Variants in GNPTAB observed in about 807,000 individuals in gnomAD.
The protein encoded by GNPTAB is N-acetylglucosamine-1-phosphotransferase subunits alpha/beta.
GNPTAB carries 92 observed loss-of-function variants against 136.6 expected under a neutral mutation model. The ratio of observed to expected loss-of-function variants is 0.67; its 90% CI spans 0.57 to 0.80. The LOEUF is 0.80. GNPTAB is among the 30% of genes least tolerant of loss of function. The pLI, the probability that GNPTAB is intolerant of heterozygous loss-of-function variation, is 0.00. For synonymous variants in GNPTAB, 512 were observed against 535.1 expected (o/e 0.96, Z 0.60); for missense variants, 1,343 against 1,501.8 (o/e 0.89, Z 1.75).
At chr12:101,754,857 G>GT (rs1482489553) in intron 18 of GNPTAB, among the ~76,000 whole-genome samples, 1 of 152,132 alleles carries the variant, frequency 6.6e-6, no homozygotes, top group Non-Finnish European at 1.5e-5. Flanking sequence ...GGGACAAAGT[G>GT]TAAGATAGCT....
At chr12:101,755,225 A>G (rs193082042) in intron 18 of GNPTAB, among the ~76,000 whole-genome samples, 60 of 152,322 alleles carry the variant, frequency 3.9e-4, no homozygotes, top group African/African-American at 1.4e-3. Flanking sequence ...TGTTTAGATG[A>G]AACAAGGTCA....
intron 19 of GNPTAB, among the ~76,000 whole-genome samples, chr12:101,750,735 A>G (rs975128644): frequency 1.3e-5 from 2 of 152,208 alleles, no homozygotes; most frequent in African/African-American, 4.8e-5. Context: ...TGATTCAGTA[A>G]TAACTTCTCC....
At chr12:101,800,501 G>A (rs749620678) in intron 1 of GNPTAB, among the ~76,000 whole-genome samples, 1 of 149,916 alleles carries the variant, frequency 6.7e-6, no homozygotes, top group African/African-American at 2.5e-5. Context: ...GCTCATGCCT[G>A]TAATCCCAGC....
chr12:101,749,350 C>T (rs1002026640), intron 19 of GNPTAB, among the ~76,000 whole-genome samples, 159 bp from the exon 20 acceptor site: 2 of 152,168 alleles, frequency 1.3e-5, no homozygotes, highest in Admixed American at 6.5e-5. Context: ...ATTTCCAACA[C>T]GAGTTCAGAT....
intron 2 of GNPTAB, among the ~76,000 whole-genome samples, chr12:101,791,850 A>AC (rs1418801314): frequency 1.3e-5 from 2 of 152,222 alleles, no homozygotes; most frequent in East Asian, 3.8e-4. Flanking sequence ...TAGGGGAGAT[A>AC]ACTGGATGAG....
chr12:101,747,173 G>T lies in GNPTAB; in HGVS notation c.3762C>A (p.Ile1254=). ...TTCAAATGAAGATCTTCTATACTCT[G>T]ATTCGATTGGGACTAGCTTCTTTGT... is the stretch of plus-strand genomic sequence containing the variant. ...RIHKEASPNR[I]RV Residue 1254 remains isoleucine, a synonymous_variant, in exon 21 of 21, where the codon ATC becomes ATA. Coordinates refer to ENST00000299314, the MANE Select transcript of GNPTAB (RefSeq NM_024312.5). 6.4e-7 allele frequency: 1 copy of T among 1,569,540 alleles called. No homozygotes were observed. The highest frequency in any genetic ancestry group is 1.7e-4 in the Middle Eastern group (1 of 5,990).
In GNPTAB at chr12:101,766,086, C is replaced by T. The variant is rs1953088534; in HGVS notation, c.1612+5G>A. On this transcript the variant is annotated splice_donor_5th_base_variant and intron_variant, in intron 12 of 20. Transcript: ENST00000299314. ...CCATTCTTATTTGTTTGGCAGTAAA[C>T]ATACCTTGCCCACAGTCGCCAGCAT... The T allele has an allele frequency of 5.0e-6, 8 of 1,613,084 alleles. No homozygotes were observed. Among genetic ancestry groups the T allele is most frequent in the Admixed American group, 1.7e-5 (1 of 60,012 alleles).
chr12:101,760,772 T>A lies in GNPTAB; in HGVS notation c.3135+355A>T, dbSNP rs556395024. Among the ~76,000 whole-genome samples the A allele has an allele frequency of 1.6e-3, 232 of 149,656 alleles. 1 individual carries two copies. Among genetic ancestry groups the A allele is most frequent in the African/African-American group, 5.2e-3 (212 of 41,114 alleles). The stretch of plus-strand genomic sequence containing the variant: ...AAAAGAGACATGGTCAGAATTAAAA[T>A]TTTCTTTTCTTTTTTTTTTTTTTTT... On this transcript the variant is annotated intron_variant, in intron 15 of 20. Coordinates refer to ENST00000299314, the MANE Select transcript of GNPTAB (RefSeq NM_024312.5).
chr12:101,767,525 A>G (rs1953112135), intron 11 of GNPTAB, among the ~76,000 whole-genome samples: 1 of 152,238 alleles, frequency 6.6e-6, no homozygotes, highest in Admixed American at 6.5e-5. Flanking sequence ...AAATAAGAAG[A>G]CATTTTCAAG....
chr12:101,800,185 T>C (rs1869530436), intron 1 of GNPTAB, among the ~76,000 whole-genome samples: 1 of 87,192 alleles, frequency 1.1e-5, no homozygotes, highest in Non-Finnish European at 2.0e-5. Flanking sequence ...GCTAGCTACA[T>C]GTTCAAAAAT....
chr12:101,770,217 G>T (rs965324122), intron 9 of GNPTAB, 26 bp from the exon 10 acceptor site: 1 of 1,609,638 alleles, frequency 6.2e-7, no homozygotes, highest in Admixed American at 1.7e-5. Flanking sequence ...AACAAAAAAA[G>T]AGAGTGAATG....
At chr12:101,783,868 T>C (rs755289329) in intron 5 of GNPTAB, among the ~76,000 whole-genome samples, 2 of 151,832 alleles carry the variant, frequency 1.3e-5, no homozygotes, top group Non-Finnish European at 2.9e-5. Flanking sequence ...GTGCATGCCA[T>C]CATGCCAGAC....
intron 13 of GNPTAB, among the ~76,000 whole-genome samples, chr12:101,763,096 C>CCTGT (rs1254071832): frequency 6.6e-6 from 1 of 151,806 alleles, no homozygotes; most frequent in East Asian, 1.9e-4. Context: ...CTGGCACATG[C>CCTGT]CTGTAATCCC....
chr12:101,761,794 A>G (rs1953001762), intron 13 of GNPTAB, 31 bp from the exon 14 acceptor site: 1 of 1,497,174 alleles, frequency 6.7e-7, no homozygotes, highest in Non-Finnish European at 9.3e-7. Flanking sequence ...GTAACTCAGC[A>G]TTATGTTTAG....
chr12:101,757,636 C>T lies in GNPTAB; in HGVS notation c.3271G>A (p.Val1091Ile), dbSNP rs765841971. 6.3e-6 allele frequency: 10 copies of T among 1,582,596 alleles called. No individual in the cohort carries two copies. In the Admixed American group the frequency reaches 1.7e-4, roughly 26 times the overall value. Residue 1091 changes from valine (V) to isoleucine (I), a missense_variant, in exon 17 of 21, where the codon GTA (valine) becomes ATA (isoleucine). Physicochemically the swap from Val to Ile is conservative, Grantham distance 29 (BLOSUM62 3). Transcript: ENST00000299314. The stretch of plus-strand genomic sequence containing the variant: ...TCAGTTACTGGTTTACAGTTTGTTA[C>T]TAGACTTTTAGTGACCGGTGGCTAT... ...PNLPPVTKSL[V>I]TNCKPVTDKI...
At chr12:101,781,503 A>C (rs1166094048) in intron 5 of GNPTAB, among the ~76,000 whole-genome samples, 1 of 152,034 alleles carries the variant, frequency 6.6e-6, no homozygotes, top group African/African-American at 2.4e-5. Context: ...CTGTCTCTAC[A>C]AAAAACAAAC....
At chr12:101,773,128 G>T in intron 7 of GNPTAB, 1 of 245,296 alleles carries the variant, frequency 4.1e-6, no homozygotes, top group South Asian at 4.1e-5. Flanking sequence ...CCCATTTCTT[G>T]AGGGGAATCA....
At chr12:101,770,348 C>T in intron 9 of GNPTAB, 58 bp downstream of exon 9, 1 of 1,419,448 alleles carries the variant, frequency 7.0e-7, no homozygotes, top group South Asian at 1.2e-5. Context: ...ATCCCTGTAC[C>T]ACACTAAAAG....
At chr12:101,816,355 A>C (rs1870508916) in intron 1 of GNPTAB, among the ~76,000 whole-genome samples, 2 of 152,330 alleles carry the variant, frequency 1.3e-5, no homozygotes, top group Admixed American at 6.5e-5. Flanking sequence ...GCATAAAAAA[A>C]CCCAAATAAT....
Sources: allele counts gnomAD v4.1 joint callset (sites outside exome capture counted in the v4.1 genomes callset), GRCh38; gene constraint gnomAD v4.1.1; transcripts MANE v1.5; gene names NCBI Gene and HGNC (gene_info 2026-07-23, HGNC 2026-07-21).